Variants in DPY19L2 observed in about 807,000 individuals in gnomAD.
DPY19L2 encodes the protein dpy-19 like 2.
In DPY19L2, 34 loss-of-function variants were observed where a neutral mutation model predicts 97.9. The observed-to-expected ratio is 0.35, with a 90% CI of 0.26 to 0.46. DPY19L2 has a LOEUF of 0.46. Ranked by LOEUF, DPY19L2 falls within the 20% of genes least tolerant of loss-of-function variation. The probability of loss-of-function intolerance (pLI) is 1.00; values close to 1 mark genes in which losing one functional copy is unlikely to be tolerated. For missense variants in DPY19L2, 623 were observed against 911.4 expected (o/e 0.68, Z 4.07); for synonymous variants, 230 against 307.9 (o/e 0.75, Z 2.65).
chr12:63,639,603 C>T (rs1245140770), intron 6 of DPY19L2, among the ~76,000 whole-genome samples: 2 of 152,080 alleles, frequency 1.3e-5, no homozygotes, highest in East Asian at 1.9e-4. Flanking sequence ...TGAAAAAATG[C>T]TCATCATCAC....
intron 4 of DPY19L2, among the ~76,000 whole-genome samples, chr12:63,655,744 C>CGGGGG (rs74902711): frequency 6.9e-6 from 1 of 144,474 alleles, no homozygotes; most frequent in Admixed American, 6.9e-5. Flanking sequence ...AAGGAAGGGT[C>CGGGGG]GGGGGGTGGG....
intron 18 of DPY19L2, among the ~76,000 whole-genome samples, chr12:63,582,145 G>T (rs1175185697): frequency 1.3e-5 from 2 of 152,076 alleles, no homozygotes; most frequent in East Asian, 1.9e-4. Flanking sequence ...TCATGGACAG[G>T]ATATTAACAG....
intron 15 of DPY19L2, among the ~76,000 whole-genome samples, chr12:63,594,664 G>T (rs1208128304): frequency 6.6e-6 from 1 of 151,982 alleles, no homozygotes; most frequent in African/African-American, 2.4e-5. Flanking sequence ...GTGTGTGTGT[G>T]TGTGTGTATG....
At chr12:63,622,196 A>C (rs570551899) in intron 8 of DPY19L2, among the ~76,000 whole-genome samples, 1 of 152,290 alleles carries the variant, frequency 6.6e-6, no homozygotes, top group East Asian at 1.9e-4. Context: ...CAATGATACA[A>C]CCCTAAATGT....
intron 16 of DPY19L2, among the ~76,000 whole-genome samples, chr12:63,593,654 A>T (rs1321651649): frequency 6.6e-6 from 1 of 151,236 alleles, no homozygotes; most frequent in Non-Finnish European, 1.5e-5. Context: ...GTAGGGGGAG[A>T]GGGGAGGGAT....
chr12:63,578,328 T>A (rs1592413450), intron 19 of DPY19L2, among the ~76,000 whole-genome samples: 1 of 146,916 alleles, frequency 6.8e-6, no homozygotes, highest in Non-Finnish European at 1.5e-5. Context: ...AGTGAGGGGG[T>A]GGAGGGGAAG....
intron 6 of DPY19L2, among the ~76,000 whole-genome samples, chr12:63,635,795 C>T (rs1312337630): frequency 2.6e-5 from 4 of 152,154 alleles, no homozygotes; most frequent in South Asian, 2.1e-4. Context: ...ACCAAATCTA[C>T]GGCTGATCGG....
At chr12:63,594,846 C>G (rs1020450548) in intron 15 of DPY19L2, among the ~76,000 whole-genome samples, 2 of 152,066 alleles carry the variant, frequency 1.3e-5, no homozygotes, top group Non-Finnish European at 2.9e-5. Context: ...CATGCATTGG[C>G]CCCTCTAAGT....
At chr12:63,582,666 T>C in intron 17 of DPY19L2, 141 bp from the exon 18 acceptor site, 2 of 949,240 alleles carry the variant, frequency 2.1e-6, no homozygotes, top group Non-Finnish European at 3.0e-6. Context: ...TCAGCAATAA[T>C]TTATCGAATG....
chr12:63,644,732 G>A (rs1442114573), intron 5 of DPY19L2, among the ~76,000 whole-genome samples: 1 of 151,820 alleles, frequency 6.6e-6, no homozygotes, highest in Non-Finnish European at 1.5e-5. Context: ...ACACATACAC[G>A]TATGTAAGCT....
Position 63,560,625 on chromosome 12 carries a change from C to A in DPY19L2, c.2164G>T (p.Asp722Tyr). The A allele has an allele frequency of 6.2e-7, 1 of 1,613,990 alleles. No homozygotes were observed. The highest frequency in any genetic ancestry group is 8.5e-7 in the Non-Finnish European group (1 of 1,179,926). The change falls in exon 22 of 22, where the codon GAC (aspartate) becomes TAC (tyrosine). Residue 722 changes from aspartate (D) to tyrosine (Y), a missense_variant. Coordinates refer to ENST00000324472, the MANE Select transcript of DPY19L2 (RefSeq NM_173812.5). Reference protein sequence around the residue: ...CSMLEIWDVEDPSNAANPPLC... With the variant: ...CSMLEIWDVEYPSNAANPPLC... ...GGAGGGTTAGCTGCATTGGAAGGGT[C>A]TTCCACATCCCAGATTTCAAGCATA...
chr12:63,596,629 A>G (rs1455110725), intron 14 of DPY19L2, among the ~76,000 whole-genome samples: 1 of 152,226 alleles, frequency 6.6e-6, no homozygotes, highest in Non-Finnish European at 1.5e-5. Flanking sequence ...CTAGTGGTCA[A>G]TAATAGTTTT....
Position 63,626,464 on chromosome 12 carries a change from C to G in DPY19L2, c.861+5G>C. 1 of 1,535,860 alleles carries G rather than the reference C, an allele frequency of 6.5e-7. No homozygotes were observed. The highest frequency in any genetic ancestry group is 8.7e-7 in the Non-Finnish European group (1 of 1,146,652). On this transcript the variant is annotated splice_donor_5th_base_variant and intron_variant, in intron 7 of 21. Transcript: ENST00000324472. ...TTCTTAAAAATTGCTTTCTAGAAAA[C>G]AAACCTCTCCATGGTTGAAAAAGAA...
intron 19 of DPY19L2, among the ~76,000 whole-genome samples, chr12:63,578,060 T>C (rs1880183577): frequency 1.3e-5 from 2 of 151,940 alleles, no homozygotes; most frequent in African/African-American, 4.8e-5. Flanking sequence ...CATCAACAGG[T>C]GAATGGATAA....
chr12:63,581,479 CTTTTTT>C (rs71086686), intron 18 of DPY19L2, among the ~76,000 whole-genome samples: 3 of 91,840 alleles, frequency 3.3e-5, no homozygotes, highest in Non-Finnish European at 3.9e-5. Context: ...CCAGGAAACT[CTTTTTT>C]TTTTTTTTTT....
intron 15 of DPY19L2, among the ~76,000 whole-genome samples, chr12:63,594,464 A>AGTGT (rs539673870): frequency 1.0e-3 from 129 of 125,020 alleles, no homozygotes; most frequent in Middle Eastern, 7.9e-3. Flanking sequence ...AGAGAGAGAT[A>AGTGT]GTGTGTGTGT....
rs536914471 is a variant in DPY19L2, at chr12:63,576,558, C to CA, written c.1900+4103dup. ...ATTTAGAAAAACCTAAAGTCTCCAC[C>CA]AAAAAAAAAACTATTAGAACTGATA... On this transcript the variant is annotated intron_variant, in intron 19 of 21. Transcript: ENST00000324472. Among the ~76,000 whole-genome samples the CA allele has an allele frequency of 7.4e-3, 1,075 of 144,834 alleles. 15 individuals carry two copies. Among genetic ancestry groups the CA allele is most frequent in the African/African-American group, 0.024 (973 of 40,028 alleles).
In DPY19L2 at chr12:63,618,491, G is replaced by A. The variant is rs558090047; in HGVS notation, c.1054-263C>T. Among the ~76,000 whole-genome samples, 5 of 152,178 alleles carry A rather than the reference G, an allele frequency of 3.3e-5. No individual in the cohort carries two copies. The South Asian group carries it at 8.3e-4, about 25-fold the overall frequency. On this transcript the variant is annotated intron_variant, in intron 9 of 21. Coordinates refer to ENST00000324472, the MANE Select transcript of DPY19L2 (RefSeq NM_173812.5). ...AAAAAGATGGATGGCAATCTATACCGATGAGCATGACATTTTAGGCCACTT... is the reference window on the plus strand; with the variant it reads ...AAAAAGATGGATGGCAATCTATACCAATGAGCATGACATTTTAGGCCACTT...
At chr12:63,661,579 A>AG (rs56094111) in intron 3 of DPY19L2, 98 bp from the exon 4 acceptor site, 1 of 1,011,842 alleles carries the variant, frequency 9.9e-7, no homozygotes, top group Admixed American at 3.4e-5. Context: ...AAAAAAAAAA[A>AG]GGTTAATAAT....
Sources: allele counts gnomAD v4.1 joint callset (sites outside exome capture counted in the v4.1 genomes callset), GRCh38; gene constraint gnomAD v4.1.1; transcripts MANE v1.5; gene names NCBI Gene and HGNC (gene_info 2026-07-23, HGNC 2026-07-21).